KPNA3: variants seen among roughly 807,000 people sequenced by gnomAD.
The protein encoded by KPNA3 is karyopherin subunit alpha 3, also known as importin subunit alpha-4.
In KPNA3, 13 loss-of-function variants were observed where a neutral mutation model predicts 73.8. The ratio of observed to expected loss-of-function variants is 0.18; its 90% CI spans 0.11 to 0.28. The LOEUF (loss-of-function observed/expected upper bound fraction) is 0.28. Among genes scored for constraint, KPNA3 ranks in the 10% least tolerant of loss-of-function variants. The pLI, the probability that KPNA3 is intolerant of heterozygous loss-of-function variation, is 1.00. For missense variants in KPNA3, 360 were observed against 618.1 expected (o/e 0.58, Z 4.43); for synonymous variants, 186 against 206.9 (o/e 0.90, Z 0.87).
intron 1 of KPNA3, among the ~76,000 whole-genome samples, chr13:49,763,599 T>C (rs1954786007): frequency 6.6e-6 from 1 of 152,180 alleles, no homozygotes; most frequent in African/African-American, 2.4e-5. Flanking sequence ...GAAAATATCC[T>C]AGAAGGAGCC....
intron 1 of KPNA3, among the ~76,000 whole-genome samples, chr13:49,754,476 T>C (rs1303754466): frequency 1.3e-5 from 2 of 150,218 alleles, no homozygotes; most frequent in East Asian, 3.9e-4. Context: ...AGAGAGAAAG[T>C]CTCAAACCAA....
chr13:49,757,691 TAC>T (rs111250503), intron 1 of KPNA3, among the ~76,000 whole-genome samples: 21 of 150,296 alleles, frequency 1.4e-4, no homozygotes, highest in African/African-American at 1.7e-4. Context: ...AAAACTCATC[TAC>T]ACACACACAC....
chr13:49,719,048 C>T (rs1020406895), intron 10 of KPNA3, among the ~76,000 whole-genome samples: 2 of 152,048 alleles, frequency 1.3e-5, no homozygotes, highest in African/African-American at 4.8e-5. Context: ...CAACACTAGT[C>T]ACCGAAATTT....
chr13:49,765,211 G>A (rs2137587768), intron 1 of KPNA3, among the ~76,000 whole-genome samples: 1 of 152,316 alleles, frequency 6.6e-6, no homozygotes, highest in Middle Eastern at 3.4e-3. Context: ...GAATTGGGCA[G>A]TAATATGTAA....
At chr13:49,745,618 A>T (rs916783912) in intron 2 of KPNA3, among the ~76,000 whole-genome samples, 1 of 151,848 alleles carries the variant, frequency 6.6e-6, no homozygotes, top group African/African-American at 2.4e-5. Flanking sequence ...TTGGCCTCCC[A>T]AAGTGCTGGA....
At chr13:49,743,236 A>C (rs1211708588) in intron 2 of KPNA3, among the ~76,000 whole-genome samples, 2 of 152,140 alleles carry the variant, frequency 1.3e-5, no homozygotes, top group Admixed American at 1.3e-4. Flanking sequence ...CAAGAATCTC[A>C]ATGTCACTAA....
intron 11 of KPNA3, 104 bp downstream of exon 11, chr13:49,710,787 T>C (rs921161580): frequency 4.0e-6 from 4 of 998,114 alleles, no homozygotes; most frequent in Middle Eastern, 2.4e-4. Context: ...AGAAGAAATG[T>C]GGAAGATAAG....
chr13:49,734,688 C>T (rs2137557043), intron 2 of KPNA3, among the ~76,000 whole-genome samples: 1 of 152,240 alleles, frequency 6.6e-6, no homozygotes, highest in Non-Finnish European at 1.5e-5. Context: ...CCCATGTTAC[C>T]TCAGCGCAGA....
intron 12 of KPNA3, 126 bp from the exon 13 acceptor site, chr13:49,706,498 G>T: frequency 1.7e-6 from 1 of 595,830 alleles, no homozygotes; most frequent in Non-Finnish European, 2.9e-6. Context: ...CACCTAAAAA[G>T]TGATTAGGTA....
rs539309072 is a variant in KPNA3, at chr13:49,723,750, G to C, written c.470-1187C>G. Among the ~76,000 whole-genome samples the C allele has an allele frequency of 4.5e-4, 67 of 149,114 alleles. No individual in the cohort carries two copies. The South Asian group carries it at 7.7e-3, about 17-fold the overall frequency. ...CTGGACATGGTGGTGTGTGCCTGTA[G>C]TCCCAGCTACTTGGGAGGGTGAGGC... On this transcript the variant is annotated intron_variant, in intron 7 of 16. Coordinates refer to ENST00000261667, the MANE Select transcript of KPNA3 (RefSeq NM_002267.4).
At chr13:49,739,821 T>C (rs1451436978) in intron 2 of KPNA3, among the ~76,000 whole-genome samples, 1 of 152,242 alleles carries the variant, frequency 6.6e-6, no homozygotes, top group African/African-American at 2.4e-5. Flanking sequence ...GCACACTGTT[T>C]AGTTCAGCTC....
At chr13:49,708,646 T>G (rs765862023) in intron 12 of KPNA3, among the ~76,000 whole-genome samples, 14 of 152,184 alleles carry the variant, frequency 9.2e-5, no homozygotes, top group Non-Finnish European at 1.8e-4. Context: ...AACAGAAGAA[T>G]GTAAAAACAA....
intron 1 of KPNA3, among the ~76,000 whole-genome samples, chr13:49,769,867 G>A (rs7318922): frequency 0.044 from 6,742 of 152,238 alleles, 474 homozygotes; most frequent in African/African-American, 0.15. Flanking sequence ...TACCAGAAGC[G>A]TATTAGAATT....
At chr13:49,733,130 G>A (rs1954485614) in intron 2 of KPNA3, 84 bp from the exon 3 acceptor site, 1 of 836,990 alleles carries the variant, frequency 1.2e-6, no homozygotes, top group Non-Finnish European at 2.0e-6. Flanking sequence ...AACTTTATTA[G>A]GCAATTATGA....
chr13:49,732,551 G>A (rs1954479898), intron 5 of KPNA3, 54 bp downstream of exon 5: 2 of 1,470,636 alleles, frequency 1.4e-6, no homozygotes, highest in South Asian at 1.2e-5. Flanking sequence ...TAGACTACCA[G>A]GTAACACAAC....
Position 49,733,058 on chromosome 13 carries a change from C to T in KPNA3, c.115-12G>A. 1 of 1,533,280 alleles carries T rather than the reference C, an allele frequency of 6.5e-7. No homozygotes were observed. Among genetic ancestry groups the T allele is most frequent in the Non-Finnish European group, 9.0e-7 (1 of 1,109,496 alleles). 95.0% of individuals were successfully genotyped at this position (1,533,280 alleles called of 1,614,324 possible). A position where few individuals can be genotyped will look rare whatever the true frequency, so the allele number is the denominator to read the frequency against. ...TCATCTCTTTTGTTCTGAAAGGCAA[C>T]CAATAAATGCTTAAGAAGTCATAAG... On this transcript the variant is annotated splice_polypyrimidine_tract_variant and intron_variant, in intron 2 of 16. Coordinates refer to ENST00000261667, the MANE Select transcript of KPNA3 (RefSeq NM_002267.4).
chr13:49,726,493 G>A (rs1174064262), intron 6 of KPNA3, among the ~76,000 whole-genome samples: 1 of 152,160 alleles, frequency 6.6e-6, no homozygotes, highest in Non-Finnish European at 1.5e-5. Context: ...GCAAGTAACA[G>A]GGTGTTTGTG....
chr13:49,706,947 C>CA (rs1282025005), intron 12 of KPNA3, among the ~76,000 whole-genome samples: 2 of 152,062 alleles, frequency 1.3e-5, no homozygotes, highest in Admixed American at 1.3e-4. Context: ...GACGGGGTTT[C>CA]ACCGTGTTAG....
chr13:49,718,595 C>T (rs1285696020), intron 10 of KPNA3, among the ~76,000 whole-genome samples: 1 of 152,222 alleles, frequency 6.6e-6, no homozygotes, highest in Non-Finnish European at 1.5e-5. Context: ...TACCTTTCAA[C>T]AGCAACAACT....
Sources: allele counts gnomAD v4.1 joint callset (sites outside exome capture counted in the v4.1 genomes callset), GRCh38; gene constraint gnomAD v4.1.1; transcripts MANE v1.5; gene names NCBI Gene and HGNC (gene_info 2026-07-23, HGNC 2026-07-21).